VGLL4: variants seen among roughly 807,000 people sequenced by gnomAD.
The protein encoded by VGLL4 is transcription cofactor vestigial-like protein 4.
Under a neutral mutation model 21.0 loss-of-function variants are expected in VGLL4, and 7 were observed. The ratio of observed to expected loss-of-function variants is 0.33; its 90% confidence interval spans 0.19 to 0.63. The LOEUF (loss-of-function observed/expected upper bound fraction) is 0.63. VGLL4 is among the 20% of genes least tolerant of loss of function. VGLL4 has a pLI of 0.78. For missense variants in VGLL4, 394 were observed against 425.7 expected (o/e 0.93, Z 0.66); for synonymous variants, 222 against 173.2 (o/e 1.28, Z -2.21).
At chr3:11,613,989 C>T (rs1347970160) in intron 1 of VGLL4, among the ~76,000 whole-genome samples, 2 of 152,186 alleles carry the variant, frequency 1.3e-5, no homozygotes, top group African/African-American at 2.4e-5. Context: ...CAGGAGCCGG[C>T]GACGTCATCT....
chr3:11,671,147 T>C, intron 2 of VGLL4: 1 of 1,214,572 alleles, frequency 8.2e-7, no homozygotes, highest in Non-Finnish European at 1.1e-6. Flanking sequence ...CATGAAGTAA[T>C]GAGGCTTTAG....
chr3:11,720,202 G>A (rs1213577078), intron 1 of VGLL4, among the ~76,000 whole-genome samples: 1 of 111,368 alleles, frequency 9.0e-6, no homozygotes, highest in Non-Finnish European at 1.8e-5. Context: ...CGGCACCCAC[G>A]CCGCCCTCCG....
intron 1 of VGLL4, among the ~76,000 whole-genome samples, chr3:11,619,141 A>G (rs1458494609): frequency 6.6e-6 from 1 of 152,234 alleles, no homozygotes; most frequent in Non-Finnish European, 1.5e-5. Context: ...TCATTAAGTG[A>G]AAATGATGGA....
rs2073617379 is a variant in VGLL4 at position 11,568,095 on chromosome 3, G to A, written c.273-3076C>T. ...ATCTAGCAGGGACAGAAAGGCCCGG[G>A]AGGGGCTGCAGCTCCCAAGTGACAG... On this transcript the variant is annotated intron_variant, in intron 2 of 4. Coordinates refer to ENST00000430365, the MANE Select transcript of VGLL4 (RefSeq NM_001128219.3). This position sits in a 1 kb window ranked among gnomAD's most constrained non-coding sequence, Gnocchi z 5.9. 6.6e-6 allele frequency among the ~76,000 whole-genome samples: 1 copy of A among 152,256 alleles called. No individual in the cohort carries two copies. Among genetic ancestry groups the A allele is most frequent in the Non-Finnish European group, 1.5e-5 (1 of 68,040 alleles).
At chr3:11,685,839 G>A (rs745423938) in intron 2 of VGLL4, among the ~76,000 whole-genome samples, 8 of 151,984 alleles carry the variant, frequency 5.3e-5, no homozygotes, top group South Asian at 4.1e-4. Context: ...GTGACAGAGC[G>A]AGACTCCATC....
intron 2 of VGLL4, among the ~76,000 whole-genome samples, chr3:11,574,779 CTATA>C (rs533578386): frequency 1.3e-4 from 16 of 121,862 alleles, no homozygotes; most frequent in African/African-American, 4.3e-4. Context: ...GTCAATTCAA[CTATA>C]TATGTGTGTG....
chr3:11,603,031 G>C (rs951744958), intron 1 of VGLL4, among the ~76,000 whole-genome samples: 1 of 152,114 alleles, frequency 6.6e-6, no homozygotes. Context: ...AGAGTAATAC[G>C]AGGATAAAGT....
intron 2 of VGLL4, among the ~76,000 whole-genome samples, chr3:11,670,512 T>G (rs142639111): frequency 6.2e-4 from 94 of 152,326 alleles, no homozygotes; most frequent in African/African-American, 2.1e-3. Flanking sequence ...TTTGATTGAA[T>G]GAAGTCACAC....
chr3:11,597,393 T>C (rs2074671256), intron 2 of VGLL4, among the ~76,000 whole-genome samples: 1 of 152,216 alleles, frequency 6.6e-6, no homozygotes, highest in Admixed American at 6.5e-5. Context: ...TAAACAGAAA[T>C]AATGTATTTC....
intron 1 of VGLL4, chr3:11,720,351 C>T (rs948172656): frequency 5.4e-5 from 7 of 130,600 alleles, no homozygotes; most frequent in African/African-American, 2.1e-4. Context: ...TCTCGGCACC[C>T]GCATGCCCGA....
chr3:11,689,528 C>A (rs2076497397), intron 2 of VGLL4, among the ~76,000 whole-genome samples: 1 of 152,206 alleles, frequency 6.6e-6, no homozygotes, highest in East Asian at 1.9e-4. Context: ...ATTCACTATA[C>A]AGCAGCTCAA....
intron 2 of VGLL4, among the ~76,000 whole-genome samples, chr3:11,572,352 C>T (rs2073807545): frequency 6.6e-6 from 1 of 152,192 alleles, no homozygotes; most frequent in African/African-American, 2.4e-5. Flanking sequence ...ATTGGACTGG[C>T]TCCAAAGCCT....
At chr3:11,682,000 C>T (rs533744716) in intron 2 of VGLL4, among the ~76,000 whole-genome samples, 55 of 152,346 alleles carry the variant, frequency 3.6e-4, no homozygotes, top group African/African-American at 1.3e-3. Flanking sequence ...TGGCTCACAC[C>T]TGTAATCCCA....
At chr3:11,632,492 T>C (rs2075504070) in intron 1 of VGLL4, among the ~76,000 whole-genome samples, 2 of 152,186 alleles carry the variant, frequency 1.3e-5, no homozygotes, top group South Asian at 4.1e-4. Context: ...AGTCTGACTC[T>C]GGCCATAGTT....
intron 2 of VGLL4, among the ~76,000 whole-genome samples, chr3:11,577,097 A>G (rs182966068): frequency 1.3e-5 from 2 of 152,316 alleles, no homozygotes; most frequent in Admixed American, 1.3e-4. Context: ...TGGGCCATCC[A>G]TGGCCCTGGG....
At chr3:11,619,916 G>C (rs551555481) in intron 1 of VGLL4, among the ~76,000 whole-genome samples, 7 of 152,152 alleles carry the variant, frequency 4.6e-5, no homozygotes, top group South Asian at 2.1e-4. Context: ...TAATACAATG[G>C]AACAATATTA....
chr3:11,645,574 G>A (rs570467563), upstream of VGLL4, among the ~76,000 whole-genome samples: 451 of 85,630 alleles, frequency 5.3e-3, 91 homozygotes, highest in African/African-American at 0.016. Context: ...TCCGCAGTCC[G>A]GCCTGGGCGA....
chr3:11,696,534 A>G (rs2076609274), intron 2 of VGLL4, among the ~76,000 whole-genome samples: 1 of 152,178 alleles, frequency 6.6e-6, no homozygotes, highest in African/African-American at 2.4e-5. Context: ...CATACAACGG[A>G]GGAGCCAGGA....
chr3:11,635,533 C>G (rs1339788892), intron 1 of VGLL4, among the ~76,000 whole-genome samples: 1 of 152,154 alleles, frequency 6.6e-6, no homozygotes, highest in Admixed American at 6.5e-5. Context: ...AGGTCCTCTC[C>G]CACTCACTCT....
Sources: allele counts gnomAD v4.1 joint callset (sites outside exome capture counted in the v4.1 genomes callset), GRCh38; gene constraint gnomAD v4.1.1; non-coding constraint Gnocchi (gnomAD v3.1); transcripts MANE v1.5; gene names NCBI Gene and HGNC (gene_info 2026-07-23, HGNC 2026-07-21).